Variants in DDAH1 observed in about 807,000 individuals in gnomAD.
DDAH1 encodes N(G),N(G)-dimethylarginine dimethylaminohydrolase 1.
In DDAH1, 19 loss-of-function variants were observed where a neutral mutation model predicts 28.8. The observed-to-expected ratio is 0.66, with a 90% confidence interval of 0.46 to 0.97. The LOEUF is 0.97. Among genes scored for constraint, DDAH1 ranks in the 50% least tolerant of loss-of-function variants. DDAH1 has a pLI of 0.00. For missense variants in DDAH1, 326 were observed against 375.9 expected (o/e 0.87, Z 1.10); for synonymous variants, 153 against 154.4 (o/e 0.99, Z 0.07).
intron 2 of DDAH1, among the ~76,000 whole-genome samples, chr1:85,491,842 C>G (rs1257900020): frequency 6.6e-6 from 1 of 152,104 alleles, no homozygotes; most frequent in Non-Finnish European, 1.5e-5. Flanking sequence ...AAGGCTTGTT[C>G]AAAACAAAGT....
intron 1 of DDAH1, chr1:85,398,503 A>AGCTTCAAC (rs1333201727): frequency 6.6e-6 from 1 of 152,186 alleles, no homozygotes; most frequent in Admixed American, 6.5e-5. Context: ...TCCAGTATCT[A>AGCTTCAAC]GCTTCAACTC....
At chr1:85,409,675 ACTT>A (rs1341679217) in intron 1 of DDAH1, among the ~76,000 whole-genome samples, 2 of 152,104 alleles carry the variant, frequency 1.3e-5, no homozygotes, top group African/African-American at 2.4e-5. Context: ...GCAGGGATTT[ACTT>A]CTTCTGTGCT....
At chr1:85,545,796 G>A (rs115846101) in intron 1 of DDAH1, among the ~76,000 whole-genome samples, 2,101 of 151,728 alleles carry the variant, frequency 0.014, 47 homozygotes, top group African/African-American at 0.048. Context: ...GAGGGAGGAG[G>A]GGGGAGAAGA....
chr1:85,419,540 TA>T (rs141947699), intron 1 of DDAH1, among the ~76,000 whole-genome samples: 29 of 81,504 alleles, frequency 3.6e-4, no homozygotes, highest in East Asian at 7.8e-4. Flanking sequence ...AACTCCATCT[TA>T]AAAAAAAAAA....
chr1:85,374,052 G>A (rs1388702294), intron 1 of DDAH1, among the ~76,000 whole-genome samples: 2 of 152,042 alleles, frequency 1.3e-5, no homozygotes, highest in Non-Finnish European at 2.9e-5. Flanking sequence ...AAGGCAGGGG[G>A]CACAGCTTGT....
At chr1:85,476,576 C>T (rs980489285) in intron 2 of DDAH1, among the ~76,000 whole-genome samples, 12 of 152,074 alleles carry the variant, frequency 7.9e-5, no homozygotes, top group African/African-American at 2.9e-4. Context: ...AGAATAGTCT[C>T]ATTTCTTGGT....
chr1:85,433,143 G>A (rs191846073), intron 1 of DDAH1, among the ~76,000 whole-genome samples: 1 of 152,014 alleles, frequency 6.6e-6, no homozygotes, highest in Admixed American at 6.5e-5. Flanking sequence ...TTTTTTTGTT[G>A]TTTTTGTTTT....
At chr1:85,441,942 C>T (rs11161616) in intron 1 of DDAH1, among the ~76,000 whole-genome samples, 28,284 of 151,880 alleles carry the variant, frequency 0.19, 2,974 homozygotes, top group East Asian at 0.27. Flanking sequence ...TTCATTTCAT[C>T]GCCGTGAAAG....
chr1:85,397,866 ACT>A (rs1651883477), intron 1 of DDAH1, among the ~76,000 whole-genome samples: 1 of 151,654 alleles, frequency 6.6e-6, no homozygotes, highest in Non-Finnish European at 1.5e-5. Context: ...TCGCTATGTG[ACT>A]CTACTGACTC....
At chr1:85,436,235 A>T (rs879851057) in intron 1 of DDAH1, among the ~76,000 whole-genome samples, 10 of 151,700 alleles carry the variant, frequency 6.6e-5, no homozygotes, top group Non-Finnish European at 7.4e-5. Context: ...TAATTTAAAA[A>T]ATTTTTTTTT....
intron 4 of DDAH1, among the ~76,000 whole-genome samples, chr1:85,331,423 G>GTATGTATATGTATA (rs111876317): frequency 0.15 from 22,300 of 148,454 alleles, 1,881 homozygotes; most frequent in Admixed American, 0.21. Context: ...ATTCATATAT[G>GTATGTATATGTATA]TATATATATA....
At chr1:85,351,780 C>CA (rs58700771) in intron 2 of DDAH1, among the ~76,000 whole-genome samples, 7,827 of 152,098 alleles carry the variant, frequency 0.051, 681 homozygotes, top group African/African-American at 0.18. Flanking sequence ...GGGCAGAAAG[C>CA]AGGATGGTGG....
chr1:85,565,652 G>A (rs1377084470), intron 1 of DDAH1, among the ~76,000 whole-genome samples: 1 of 152,140 alleles, frequency 6.6e-6, no homozygotes, highest in Non-Finnish European at 1.5e-5. Context: ...ACCTGCTCAA[G>A]AAACATTAAA....
At chr1:85,468,680 C>T (rs1391078620), upstream of DDAH1, among the ~76,000 whole-genome samples, 8 of 152,190 alleles carry the variant, frequency 5.3e-5, no homozygotes, top group East Asian at 3.9e-4. Flanking sequence ...CCACCACACC[C>T]AGCTAATTTT....
At chr1:85,392,834 C>G (rs1224532489) in intron 1 of DDAH1, among the ~76,000 whole-genome samples, 1 of 151,262 alleles carries the variant, frequency 6.6e-6, no homozygotes, top group African/African-American at 2.4e-5. Flanking sequence ...AAATGAACCC[C>G]TGATGACTCT....
intron 2 of DDAH1, among the ~76,000 whole-genome samples, chr1:85,478,242 C>T (rs1655869503): frequency 6.6e-6 from 1 of 152,142 alleles, no homozygotes; most frequent in South Asian, 2.1e-4. Context: ...TAGGATACAT[C>T]TTTAAAAAGA....
chr1:85,540,242 G>A (rs1252374455), intron 1 of DDAH1, among the ~76,000 whole-genome samples: 6 of 152,010 alleles, frequency 3.9e-5, no homozygotes, highest in African/African-American at 1.4e-4. Flanking sequence ...TTGACCTGGG[G>A]TTACACCTTT....
intron 1 of DDAH1, among the ~76,000 whole-genome samples, chr1:85,547,193 T>A (rs1658652359): frequency 6.6e-6 from 1 of 152,182 alleles, no homozygotes; most frequent in South Asian, 2.1e-4. Context: ...GCAACTTCAC[T>A]GAGCCTCAAT....
chr1:85,511,160 A>G (rs1570624702), intron 1 of DDAH1, among the ~76,000 whole-genome samples: 1 of 152,228 alleles, frequency 6.6e-6, no homozygotes, highest in African/African-American at 2.4e-5. Flanking sequence ...CTCTCGGACC[A>G]CACTGCAATC....
Sources: allele counts gnomAD v4.1 joint callset (sites outside exome capture counted in the v4.1 genomes callset), GRCh38; gene constraint gnomAD v4.1.1; transcripts MANE v1.5; gene names NCBI Gene and HGNC (gene_info 2026-07-23, HGNC 2026-07-21).